The following NALF1 variants were observed in gnomAD, a reference collection of about 807,000 sequenced individuals.
NALF1 encodes the protein NALCN channel auxiliary factor 1.
Under a neutral mutation model 48.4 loss-of-function variants are expected in NALF1, and 3 were observed. The ratio of observed to expected loss-of-function variants is 0.06; its 90% CI spans 0.03 to 0.16. NALF1 has a LOEUF of 0.16. Among genes scored for constraint, NALF1 ranks in the 10% least tolerant of loss-of-function variants. The pLI, the probability that NALF1 is intolerant of heterozygous loss-of-function variation, is 1.00. For synonymous variants in NALF1, 262 were observed against 245.7 expected (o/e 1.07, Z -0.62); for missense variants, 526 against 571.5 (o/e 0.92, Z 0.81).
intron 1 of NALF1, among the ~76,000 whole-genome samples, chr13:107,679,097 C>A (rs1045251375): frequency 3.9e-5 from 6 of 152,162 alleles, no homozygotes; most frequent in Non-Finnish European, 5.9e-5. Flanking sequence ...ACTTTTCTCT[C>A]TAGGCCCATA....
chr13:107,519,482 C>T (rs971622155), intron 1 of NALF1, among the ~76,000 whole-genome samples: 3 of 152,158 alleles, frequency 2.0e-5, no homozygotes, highest in African/African-American at 7.2e-5. Flanking sequence ...GTTCATGCCC[C>T]AAGGATGTCC....
In NALF1 at chr13:107,167,716, A is replaced by G. The variant is rs1438042442; in HGVS notation, c.*2781T>C. 1 of 151,378 alleles carries G rather than the reference A, an allele frequency of 6.6e-6. No homozygotes were observed. Among genetic ancestry groups the G allele is most frequent in the Non-Finnish European group, 1.5e-5 (1 of 67,956 alleles). 9.4% of individuals were successfully genotyped at this position (151,378 alleles called of 1,614,324 possible). A position where few individuals can be genotyped will look rare whatever the true frequency, so the allele number is the denominator to read the frequency against. On this transcript the variant is annotated 3_prime_UTR_variant, in exon 3 of 3. Coordinates refer to ENST00000375915, the MANE Select transcript of NALF1 (RefSeq NM_001080396.3). ...CCTAAATTATCACTTTATATTTACA[A>G]TGAAGACTGCAGTGTTTCTCCCAAC...
chr13:107,372,359 T>C (rs553485032), intron 1 of NALF1, among the ~76,000 whole-genome samples: 3 of 152,374 alleles, frequency 2.0e-5, no homozygotes, highest in South Asian at 4.1e-4. Context: ...TTAAAACTTC[T>C]ATGGGACAAA....
At position 107,769,690 on chromosome 13, in the gene NALF1, T is replaced by TAAA. The variant is rs71121554; in HGVS notation, c.915+95989_915+95991dup. Among the ~76,000 whole-genome samples the TAAA allele has an allele frequency of 1.3e-3, 192 of 147,102 alleles. 1 individual carries two copies. The highest frequency in any genetic ancestry group is 5.2e-3 in the South Asian group (24 of 4,638). On this transcript the variant is annotated intron_variant, in intron 1 of 2. Transcript: ENST00000375915. Reference sequence around the variant, plus strand: ...ATGTACCCTAAAACTTAAAGTATAATAAAAAAAAAAAAAGAAGAAATAAAC... The same window carrying TAAA: ...ATGTACCCTAAAACTTAAAGTATAATAAAAAAAAAAAAAAAAGAAGAAATAAAC...
At chr13:107,403,188 C>CTTTTTTTTTTTTTTTTTTTTTTTTTTT (rs10710356) in intron 1 of NALF1, among the ~76,000 whole-genome samples, 6 of 42,476 alleles carry the variant, frequency 1.4e-4, no homozygotes, top group African/African-American at 1.7e-4. Context: ...CTTGTTCGGG[C>CTTTTTTTTTTTTTTTTTTTTTTTTTTT]TTTTTTTTTT....
chr13:107,221,784 C>T (rs947121290), intron 1 of NALF1, among the ~76,000 whole-genome samples: 7 of 151,910 alleles, frequency 4.6e-5, no homozygotes, highest in African/African-American at 1.7e-4. Flanking sequence ...GTCATTTTAC[C>T]CTACACCCCG....
intron 1 of NALF1, among the ~76,000 whole-genome samples, chr13:107,310,409 C>CAAAAA (rs397955378): frequency 1.2e-5 from 1 of 80,054 alleles, no homozygotes; most frequent in South Asian, 4.4e-4. Context: ...GATTCCATCT[C>CAAAAA]AAAAAAAAAA....
At chr13:107,637,729 C>G (rs1594176179) in intron 1 of NALF1, among the ~76,000 whole-genome samples, 1 of 152,070 alleles carries the variant, frequency 6.6e-6, no homozygotes, top group Admixed American at 6.6e-5. Flanking sequence ...GAGGGCTGAA[C>G]CAGCCACAAA....
At chr13:107,832,893 CAG>C (rs1879782369) in intron 1 of NALF1, among the ~76,000 whole-genome samples, 1 of 143,572 alleles carries the variant, frequency 7.0e-6, no homozygotes, top group African/African-American at 3.0e-5. Flanking sequence ...TAAGAGCGCT[CAG>C]TAGTTTCCCA....
intron 1 of NALF1, among the ~76,000 whole-genome samples, chr13:107,855,312 CT>C (rs1400865319): frequency 6.6e-6 from 1 of 152,198 alleles, no homozygotes; most frequent in Non-Finnish European, 1.5e-5. Context: ...CCCGGGAGAG[CT>C]TTGAATGTGG....
intron 1 of NALF1, among the ~76,000 whole-genome samples, chr13:107,509,691 T>A (rs1465268564): frequency 6.6e-6 from 1 of 152,200 alleles, no homozygotes; most frequent in African/African-American, 2.4e-5. Context: ...CAACAAGTTA[T>A]TAGCCATTTC....
intron 1 of NALF1, among the ~76,000 whole-genome samples, chr13:107,853,658 T>G (rs945932583): frequency 3.3e-5 from 5 of 152,204 alleles, no homozygotes; most frequent in African/African-American, 1.2e-4. Flanking sequence ...ACTAATAAAT[T>G]TAATTCTAAA....
At chr13:107,506,519 T>G (rs1460413138) in intron 1 of NALF1, among the ~76,000 whole-genome samples, 1 of 152,146 alleles carries the variant, frequency 6.6e-6, no homozygotes, top group Non-Finnish European at 1.5e-5. Flanking sequence ...AACATTCTTG[T>G]TACCCTTAAA....
chr13:107,807,286 A>G (rs1878824711), intron 1 of NALF1, among the ~76,000 whole-genome samples: 2 of 152,208 alleles, frequency 1.3e-5, no homozygotes, highest in South Asian at 4.1e-4. Flanking sequence ...ACCATGCATA[A>G]AAATATACTG....
intron 1 of NALF1, among the ~76,000 whole-genome samples, chr13:107,588,982 C>T (rs766615457): frequency 2.6e-5 from 4 of 152,062 alleles, no homozygotes; most frequent in Non-Finnish European, 4.4e-5. Context: ...AATTTAATTG[C>T]AATCCATTTT....
chr13:107,857,048 T>C (rs1880455037), intron 1 of NALF1, among the ~76,000 whole-genome samples: 2 of 152,208 alleles, frequency 1.3e-5, no homozygotes, highest in South Asian at 4.1e-4. Context: ...AGGACAATTT[T>C]CGTCAAGTTA....
chr13:107,459,198 G>T (rs1217022266), intron 1 of NALF1, among the ~76,000 whole-genome samples: 1 of 151,864 alleles, frequency 6.6e-6, no homozygotes, highest in Non-Finnish European at 1.5e-5. Context: ...AATATACAAA[G>T]AACTCATAAA....
At chr13:107,761,622 C>T (rs1877267505) in intron 1 of NALF1, among the ~76,000 whole-genome samples, 2 of 152,132 alleles carry the variant, frequency 1.3e-5, no homozygotes, top group African/African-American at 4.8e-5. Context: ...TACGGTAATT[C>T]CAATTAGGCA....
intron 1 of NALF1, among the ~76,000 whole-genome samples, chr13:107,268,955 T>C (rs1017220210): frequency 2.0e-5 from 3 of 152,132 alleles, no homozygotes; most frequent in East Asian, 1.9e-4. Flanking sequence ...TGTGATTAGA[T>C]GAGTGTTTTT....
Sources: gnomAD v4.1 joint callset for allele counts (sites outside exome capture counted in the v4.1 genomes callset) on GRCh38, gnomAD v4.1.1 for gene constraint, MANE v1.5 for transcripts, NCBI Gene and HGNC (gene_info 2026-07-23, HGNC 2026-07-21) for gene names.